DLG2: variants seen among roughly 807,000 people sequenced by gnomAD.
DLG2 encodes the protein discs large MAGUK scaffold protein 2.
In DLG2, 45 loss-of-function variants were observed where a neutral mutation model predicts 132.5. The observed-to-expected ratio is 0.34, with a 90% CI of 0.27 to 0.44. DLG2 has a LOEUF of 0.44. Among genes scored for constraint, DLG2 ranks in the 20% least tolerant of loss-of-function variants. DLG2 has a pLI of 1.00. For missense variants in DLG2, 1,045 were observed against 1,196.9 expected (o/e 0.87, Z 1.87); for synonymous variants, 424 against 419.6 (o/e 1.01, Z -0.13).
chr11:84,742,797 G>C (rs1283123274), intron 6 of DLG2, among the ~76,000 whole-genome samples: 1 of 151,930 alleles, frequency 6.6e-6, no homozygotes, highest in East Asian at 1.9e-4. Context: ...TCTTTATTTT[G>C]CCTATTCATC....
chr11:85,283,441 T>C (rs1344982617), intron 4 of DLG2, among the ~76,000 whole-genome samples: 1 of 149,968 alleles, frequency 6.7e-6, no homozygotes, highest in African/African-American at 2.4e-5. Context: ...TTTTGAAGGT[T>C]AAAAAGTACT....
rs1163805843 is a variant in DLG2, at chr11:84,352,900, C to A, written c.520-101609G>T. Among the ~76,000 whole-genome samples, 13 of 152,152 alleles carry A rather than the reference C, an allele frequency of 8.5e-5. 1 individual carries two copies. Among genetic ancestry groups the A allele is most frequent in the Non-Finnish European group, 1.9e-4 (13 of 68,014 alleles). On this transcript the variant is annotated intron_variant, in intron 7 of 27. Transcript: ENST00000376104. The stretch of plus-strand genomic sequence containing the variant: ...AAATCTCAGGGACAGCTAAAGAGAA[C>A]ACATAGAAGAGTTTTACTTCTTTCT...
chr11:83,930,592 A>T (rs77425470), intron 14 of DLG2, 109 bp from the exon 15 acceptor site: 13,411 of 1,171,244 alleles, frequency 0.011, 376 homozygotes, highest in East Asian at 0.084. Flanking sequence ...ATGCCATTTT[A>T]TCTTGATTTG....
At chr11:84,927,474 T>C (rs2047534202) in intron 6 of DLG2, among the ~76,000 whole-genome samples, 1 of 151,984 alleles carries the variant, frequency 6.6e-6, no homozygotes, top group Non-Finnish European at 1.5e-5. Flanking sequence ...GATTCCAGTG[T>C]CCAGCTAGGA....
intron 5 of DLG2, among the ~76,000 whole-genome samples, chr11:85,139,746 A>T (rs1176353903): frequency 6.6e-6 from 1 of 152,004 alleles, no homozygotes; most frequent in Non-Finnish European, 1.5e-5. Flanking sequence ...CATAGTACAT[A>T]TCTGCTAGTT....
chr11:85,209,344 G>A (rs754992354), intron 4 of DLG2, among the ~76,000 whole-genome samples: 1 of 150,696 alleles, frequency 6.6e-6, no homozygotes, highest in Non-Finnish European at 1.5e-5. Context: ...TACTAGGGCT[G>A]GTACAAGAAG....
At chr11:84,265,647 T>C (rs1414535901) in intron 7 of DLG2, among the ~76,000 whole-genome samples, 1 of 152,194 alleles carries the variant, frequency 6.6e-6, no homozygotes, top group Non-Finnish European at 1.5e-5. Flanking sequence ...ATCTAGTTTA[T>C]ACTACTTTGA....
Position 85,111,627 on chromosome 11 carries a change from T to G in DLG2, c.357+34A>C, listed in dbSNP as rs767546011. On this transcript the variant is annotated intron_variant, in intron 6 of 27. Transcript: ENST00000376104. ...TTCCAAAATATAAAAACATTTATCC[T>G]TCAATCTGCTAATCTTGGAATAATC... 21 of 1,498,300 alleles carry G rather than the reference T, an allele frequency of 1.4e-5. No individual in the cohort carries two copies. In the South Asian group the frequency reaches 2.4e-4, roughly 17 times the overall value. 92.8% of individuals were successfully genotyped at this position (1,498,300 alleles called of 1,614,324 possible). A position where few individuals can be genotyped will look rare whatever the true frequency, so the allele number is the denominator to read the frequency against.
At chr11:83,883,107 A>G (rs964635549) in intron 15 of DLG2, among the ~76,000 whole-genome samples, 3 of 152,228 alleles carry the variant, frequency 2.0e-5, no homozygotes, top group African/African-American at 7.2e-5. Flanking sequence ...TAAACAAATT[A>G]TCATTAGTAC....
At chr11:84,686,904 A>C (rs940586026) in intron 6 of DLG2, 9 of 152,078 alleles carry the variant, frequency 5.9e-5, no homozygotes, top group African/African-American at 2.2e-4. Context: ...TCTGCTGAAC[A>C]GGCCTGCAGT....
At chr11:83,648,240 G>A (rs1012664247) in intron 18 of DLG2, among the ~76,000 whole-genome samples, 2 of 152,118 alleles carry the variant, frequency 1.3e-5, no homozygotes, top group East Asian at 1.9e-4. Flanking sequence ...AGTACAGAGA[G>A]GAAGTACAAA....
At chr11:83,909,174 T>G (rs74703647) in intron 15 of DLG2, among the ~76,000 whole-genome samples, 6,750 of 152,292 alleles carry the variant, frequency 0.044, 489 homozygotes, top group African/African-American at 0.15. Context: ...ACAATTGGCG[T>G]GAAAGCAGTA....
chr11:85,344,671 T>A (rs535270372), intron 3 of DLG2, among the ~76,000 whole-genome samples: 113 of 152,324 alleles, frequency 7.4e-4, no homozygotes, highest in African/African-American at 2.7e-3. Context: ...TTGATTGTAT[T>A]TTCATAATTT....
chr11:85,127,965 G>T (rs1446058727), intron 5 of DLG2, among the ~76,000 whole-genome samples: 1 of 152,082 alleles, frequency 6.6e-6, no homozygotes, highest in African/African-American at 2.4e-5. Flanking sequence ...CAGTAATTCT[G>T]AGTGATTTTT....
intron 6 of DLG2, among the ~76,000 whole-genome samples, chr11:84,774,652 C>T (rs920187363): frequency 6.6e-6 from 1 of 152,048 alleles, no homozygotes; most frequent in South Asian, 2.1e-4. Context: ...CAACTACAGC[C>T]ACCTGCTCTT....
intron 4 of DLG2, among the ~76,000 whole-genome samples, chr11:85,258,039 G>A (rs150113041): frequency 6.6e-6 from 1 of 152,166 alleles, no homozygotes; most frequent in African/African-American, 2.4e-5. Context: ...TACTGTGGTT[G>A]TCTTACAGAC....
At chr11:85,337,693 T>G (rs879545397) in intron 3 of DLG2, among the ~76,000 whole-genome samples, 2 of 151,942 alleles carry the variant, frequency 1.3e-5, no homozygotes, top group Non-Finnish European at 2.9e-5. Context: ...CAGTAAAGTC[T>G]AGATAAGTCC....
At chr11:85,190,260 G>C (rs1334229604) in intron 4 of DLG2, among the ~76,000 whole-genome samples, 2 of 152,118 alleles carry the variant, frequency 1.3e-5, no homozygotes, top group African/African-American at 4.8e-5. Flanking sequence ...CATACACATT[G>C]TTTAAACATT....
chr11:84,027,705 T>C (rs1044163226), intron 11 of DLG2, among the ~76,000 whole-genome samples: 1 of 152,010 alleles, frequency 6.6e-6, no homozygotes, highest in Admixed American at 6.6e-5. Flanking sequence ...TCTTTATCAG[T>C]TGGCCAATAT....
Sources: allele counts gnomAD v4.1 joint callset (sites outside exome capture counted in the v4.1 genomes callset), GRCh38; gene constraint gnomAD v4.1.1; transcripts MANE v1.5; gene names NCBI Gene and HGNC (gene_info 2026-07-23, HGNC 2026-07-21).